The following MTTP variants were observed in gnomAD, a reference collection of about 807,000 sequenced individuals.
The protein encoded by MTTP is microsomal triglyceride transfer protein.
Under a neutral mutation model 90.6 loss-of-function variants are expected in MTTP, and 49 were observed. The ratio of observed to expected loss-of-function variants is 0.54; its 90% CI spans 0.43 to 0.69. The LOEUF (loss-of-function observed/expected upper bound fraction) is 0.69, where lower values mean the gene tolerates loss of function less well. MTTP is among the 30% of genes least tolerant of loss of function. The pLI is 0.00. For synonymous variants in MTTP, 347 were observed against 384.2 expected (o/e 0.90, Z 1.13); for missense variants, 945 against 1,067.5 (o/e 0.89, Z 1.60).
intron 17 of MTTP, among the ~76,000 whole-genome samples, chr4:99,621,641 G>A (rs1440587506): frequency 6.6e-6 from 1 of 152,100 alleles, no homozygotes; most frequent in Non-Finnish European, 1.5e-5. Flanking sequence ...CATGTTTAAG[G>A]GCCAAAATGA....
At chr4:99,580,667 C>T (rs1043553281) in intron 1 of MTTP, among the ~76,000 whole-genome samples, 1 of 150,950 alleles carries the variant, frequency 6.6e-6, no homozygotes, top group Non-Finnish European at 1.5e-5. Context: ...TGTGTCCCCT[C>T]AGTCTCTTCA....
intron 12 of MTTP, among the ~76,000 whole-genome samples, chr4:99,609,380 T>TAAAAAAAAA (rs1303934441): frequency 2.0e-5 from 3 of 152,344 alleles, no homozygotes; most frequent in African/African-American, 7.2e-5. Context: ...ACAGATCAAA[T>TAAAAAAAAA]AAATTTCCCA....
chr4:99,612,521 C>CT (rs1161152260), intron 14 of MTTP, among the ~76,000 whole-genome samples: 5 of 151,940 alleles, frequency 3.3e-5, no homozygotes, highest in African/African-American at 1.2e-4. Context: ...ACAGCTGATG[C>CT]GTTGTATATG....
At chr4:99,610,296 C>T (rs941548920) in intron 12 of MTTP, among the ~76,000 whole-genome samples, 26 of 152,122 alleles carry the variant, frequency 1.7e-4, no homozygotes, top group Non-Finnish European at 3.1e-4. Context: ...AAGCAAAACA[C>T]GTCTAGTCAT....
rs1027948317 is a variant in MTTP, at chr4:99,622,545, C to G, written c.2514-132C>G. 33 of 904,346 alleles carry G rather than the reference C, an allele frequency of 3.6e-5. No individual in the cohort carries two copies. In the East Asian group the frequency reaches 4.9e-4, roughly 14 times the overall value. 56.0% of individuals were successfully genotyped at this position (904,346 alleles called of 1,614,324 possible). On this transcript the variant is annotated intron_variant, in intron 17 of 17. Transcript: ENST00000265517. Reference sequence around the variant, plus strand: ...AGAAAATCACCCATTCATGGAGTAGCCTTTGACACTCATATCCTTTCTCAG... The same window carrying G: ...AGAAAATCACCCATTCATGGAGTAGGCTTTGACACTCATATCCTTTCTCAG...
At position 99,597,113 on chromosome 4, in the gene MTTP, A is replaced by G. The variant is rs1398713581; in HGVS notation, c.956A>G (p.Asn319Ser). ...RSTRKYLQPD[N>S]LSKAEAVRNF... ...ACCAGGAAATACCTGCAGCCTGACA[A>G]CCTTTCCAAGGCTGAGGCTGTCAGA... is the stretch of plus-strand genomic sequence containing the variant. Residue 319 changes from asparagine to serine, a missense_variant, in exon 8 of 18, where the codon AAC (asparagine) becomes AGC (serine). Coordinates refer to ENST00000265517, the MANE Select transcript of MTTP (RefSeq NM_001386140.1). The G allele has an allele frequency of 6.2e-7, 1 of 1,613,942 alleles. No individual in the cohort carries two copies. The highest frequency in any genetic ancestry group is 1.7e-5 in the Admixed American group (1 of 60,008).
intron 6 of MTTP, among the ~76,000 whole-genome samples, chr4:99,592,541 T>C (rs1219411723): frequency 1.3e-5 from 2 of 152,002 alleles, no homozygotes; most frequent in Non-Finnish European, 2.9e-5. Context: ...TTTTTTTCTT[T>C]TAAAAATTTC....
chr4:99,610,786 A>C (rs1219892890), intron 12 of MTTP, among the ~76,000 whole-genome samples: 2 of 152,224 alleles, frequency 1.3e-5, no homozygotes, highest in Non-Finnish European at 2.9e-5. Flanking sequence ...CAATCTCCCC[A>C]GTTTGGCACA....
exon 1 of MTTP, chr4:99,564,166 C>G (rs906780210): frequency 2.0e-6 from 3 of 1,535,480 alleles, no homozygotes; most frequent in African/African-American, 1.4e-5. Flanking sequence ...GAGGTAGTTA[C>G]AGTGATGTCT....
intron 1 of MTTP, among the ~76,000 whole-genome samples, chr4:99,565,246 G>GT (rs1010252141): frequency 2.2e-4 from 33 of 151,956 alleles, no homozygotes; most frequent in African/African-American, 7.0e-4. Flanking sequence ...TAATTATACA[G>GT]TTTTTTCAGA....
intron 1 of MTTP, among the ~76,000 whole-genome samples, chr4:99,580,021 G>C (rs868356143): frequency 1.5e-5 from 2 of 136,842 alleles, no homozygotes; most frequent in Non-Finnish European, 3.1e-5. Context: ...GGGTGACAGA[G>C]TGAGACCCTG....
At chr4:99,596,955 G>C in intron 7 of MTTP, 112 bp from the exon 8 acceptor site, 1 of 1,437,466 alleles carries the variant, frequency 7.0e-7, no homozygotes, top group Non-Finnish European at 9.7e-7. Context: ...GGTACAAAAA[G>C]CTGCTTTCGC....
intron 1 of MTTP, among the ~76,000 whole-genome samples, chr4:99,566,707 A>T (rs1042150037): frequency 3.3e-5 from 5 of 152,244 alleles, no homozygotes; most frequent in Non-Finnish European, 5.9e-5. Context: ...TGAGCAGACT[A>T]AATAAAATAT....
intron 14 of MTTP, among the ~76,000 whole-genome samples, chr4:99,611,746 T>G (rs559182603): frequency 5.3e-5 from 8 of 152,200 alleles, no homozygotes; most frequent in African/African-American, 1.9e-4. Context: ...GTGCCAATAT[T>G]TCTTACATAA....
chr4:99,595,004 G>C, intron 7 of MTTP, 121 bp downstream of exon 7: 1 of 1,202,116 alleles, frequency 8.3e-7, no homozygotes, highest in Non-Finnish European at 1.2e-6. Context: ...CTACCACAGA[G>C]TTGTGATGAC....
At chr4:99,619,161 A>G in intron 16 of MTTP, 63 bp downstream of exon 16, 2 of 1,457,822 alleles carry the variant, frequency 1.4e-6, no homozygotes, top group Non-Finnish European at 1.9e-6. Flanking sequence ...AGAACTTCCG[A>G]AATATGTTTT....
upstream of MTTP, among the ~76,000 whole-genome samples, chr4:99,574,274 A>G (rs1578229716): frequency 6.6e-6 from 1 of 152,216 alleles, no homozygotes; most frequent in East Asian, 1.9e-4. Context: ...CATAAGGACA[A>G]TCATCTATGT....
intron 15 of MTTP, among the ~76,000 whole-genome samples, chr4:99,616,193 A>G (rs1300705582): frequency 6.6e-6 from 1 of 152,154 alleles, no homozygotes; most frequent in African/African-American, 2.4e-5. Flanking sequence ...CAGAAGTTTG[A>G]GACCAGGCTG....
At chr4:99,582,307 C>G (rs377635806) in intron 2 of MTTP, among the ~76,000 whole-genome samples, 1 of 152,140 alleles carries the variant, frequency 6.6e-6, no homozygotes, top group South Asian at 2.1e-4. Flanking sequence ...AAGGTATATA[C>G]TGGTAAACGA....
Sources: allele counts gnomAD v4.1 joint callset (sites outside exome capture counted in the v4.1 genomes callset), GRCh38; gene constraint gnomAD v4.1.1; transcripts MANE v1.5; gene names NCBI Gene and HGNC (gene_info 2026-07-23, HGNC 2026-07-21).